Variants in ADGRL3 observed in about 807,000 individuals in gnomAD.
ADGRL3 encodes adhesion G protein-coupled receptor L3.
ADGRL3 carries 62 observed loss-of-function variants against 153.5 expected under a neutral mutation model. The observed-to-expected ratio is 0.40, with a 90% CI of 0.33 to 0.50. The LOEUF is 0.50. Ranked by LOEUF, ADGRL3 falls within the 20% of genes least tolerant of loss-of-function variation. The pLI is 0.47. For synonymous variants in ADGRL3, 710 were observed against 672.5 expected, an observed-to-expected ratio of 1.06 and a Z score of -0.86; for missense variants, 1,641 against 1,859.4, an observed-to-expected ratio of 0.88 and a Z score of 2.16.
chr4:61,205,197 G>A (rs889756389), intron 1 of ADGRL3, among the ~76,000 whole-genome samples: 2 of 152,152 alleles, frequency 1.3e-5, no homozygotes, highest in Non-Finnish European at 2.9e-5. Flanking sequence ...AAACTGAATT[G>A]TTTTTCAGAT....
At chr4:61,360,070 A>G (rs1349450849) in intron 1 of ADGRL3, among the ~76,000 whole-genome samples, 2 of 152,128 alleles carry the variant, frequency 1.3e-5, no homozygotes, top group East Asian at 1.9e-4. Context: ...CTACACTCCT[A>G]TTAGTGGAGA....
At chr4:61,630,575 T>G (rs1443460059) in intron 5 of ADGRL3, among the ~76,000 whole-genome samples, 4 of 152,204 alleles carry the variant, frequency 2.6e-5, no homozygotes, top group Non-Finnish European at 4.4e-5. Flanking sequence ...TTCACTCTTA[T>G]TTTTGTCATT....
chr4:61,568,922 A>G (rs968410632), intron 4 of ADGRL3, among the ~76,000 whole-genome samples: 4 of 152,050 alleles, frequency 2.6e-5, no homozygotes, highest in African/African-American at 7.2e-5. Context: ...TCTTCAATCT[A>G]TGGATCGTGA....
intron 9 of ADGRL3, among the ~76,000 whole-genome samples, chr4:61,820,183 T>C (rs1214758534): frequency 6.6e-6 from 1 of 152,190 alleles, no homozygotes; most frequent in African/African-American, 2.4e-5. Context: ...TACCTTTGAA[T>C]AAAATGTTGT....
At chr4:61,466,369 C>CT (rs576009150) in intron 2 of ADGRL3, among the ~76,000 whole-genome samples, 1 of 152,086 alleles carries the variant, frequency 6.6e-6, no homozygotes, top group Non-Finnish European at 1.5e-5. Context: ...GAAAAGATAG[C>CT]TTTTCAAAAG....
chr4:61,791,494 T>G (rs975794560), intron 8 of ADGRL3, among the ~76,000 whole-genome samples: 1 of 152,220 alleles, frequency 6.6e-6, no homozygotes, highest in South Asian at 2.1e-4. Flanking sequence ...GCCTCCCTCC[T>G]GGCTGCTTTC....
intron 8 of ADGRL3, among the ~76,000 whole-genome samples, chr4:61,744,589 G>C (rs2096628988): frequency 6.6e-6 from 1 of 152,162 alleles, no homozygotes; most frequent in Non-Finnish European, 1.5e-5. Flanking sequence ...ACCGCTGCTG[G>C]TACCCAGGCA....
intron 5 of ADGRL3, among the ~76,000 whole-genome samples, chr4:61,637,770 C>G (rs1018723387): frequency 6.6e-6 from 1 of 151,854 alleles, no homozygotes; most frequent in Admixed American, 6.6e-5. Flanking sequence ...CCCCACCCCC[C>G]AAAAACGTCA....
chr4:61,976,909 G>A (rs1157713419), intron 17 of ADGRL3, among the ~76,000 whole-genome samples: 1 of 152,160 alleles, frequency 6.6e-6, no homozygotes, highest in African/African-American at 2.4e-5. Context: ...TAAAATTCAA[G>A]TATTGAGTTG....
intron 9 of ADGRL3, among the ~76,000 whole-genome samples, chr4:61,886,808 AT>A (rs1272153862): frequency 3.8e-4 from 55 of 145,088 alleles, no homozygotes; most frequent in East Asian, 4.0e-4. Context: ...TGCCCGGCTA[AT>A]TTTTTTTTTT....
intron 8 of ADGRL3, among the ~76,000 whole-genome samples, chr4:61,796,232 C>A (rs1430064137): frequency 1.3e-5 from 2 of 152,138 alleles, no homozygotes; most frequent in Non-Finnish European, 2.9e-5. Context: ...CATGCTGCCA[C>A]CTCTCTGCTG....
chr4:61,954,326 C>T (rs962413862), intron 17 of ADGRL3, among the ~76,000 whole-genome samples: 1 of 151,990 alleles, frequency 6.6e-6, no homozygotes, highest in Non-Finnish European at 1.5e-5. Context: ...CTCCCTACCA[C>T]CTAGGTTTAA....
At chr4:61,352,445 G>C (rs2096069196) in intron 1 of ADGRL3, among the ~76,000 whole-genome samples, 1 of 151,404 alleles carries the variant, frequency 6.6e-6, no homozygotes. Flanking sequence ...CTGGAGTGCA[G>C]TGGTGCGATC....
chr4:61,505,033 C>G (rs1465108745), intron 3 of ADGRL3, among the ~76,000 whole-genome samples: 1 of 152,122 alleles, frequency 6.6e-6, no homozygotes, highest in African/African-American at 2.4e-5. Flanking sequence ...GACCTTCATG[C>G]TGTTCTCCAC....
chr4:61,723,314 C>G (rs773731862), intron 6 of ADGRL3, among the ~76,000 whole-genome samples: 1 of 152,030 alleles, frequency 6.6e-6, no homozygotes, highest in South Asian at 2.1e-4. Flanking sequence ...CTCCAATGAC[C>G]GGAGAAACAC....
intron 8 of ADGRL3, among the ~76,000 whole-genome samples, chr4:61,787,378 C>G (rs752110568): frequency 6.6e-6 from 1 of 151,228 alleles, no homozygotes; most frequent in Non-Finnish European, 1.5e-5. Flanking sequence ...AAAAAAAAAG[C>G]ATAGGTACAT....
intron 21 of ADGRL3, among the ~76,000 whole-genome samples, chr4:62,018,280 G>A (rs1284641553): frequency 6.6e-6 from 1 of 152,134 alleles, no homozygotes; most frequent in African/African-American, 2.4e-5. Context: ...GCTTTGTGTT[G>A]TGTTCTTACT....
chr4:62,000,445 A>C (rs963266110), intron 21 of ADGRL3, among the ~76,000 whole-genome samples: 1 of 152,002 alleles, frequency 6.6e-6, no homozygotes, highest in African/African-American at 2.4e-5. Context: ...TGTTTAGAAA[A>C]ATAATTAAAC....
intron 8 of ADGRL3, among the ~76,000 whole-genome samples, chr4:61,770,073 A>T (rs554969621): frequency 6.6e-6 from 1 of 152,210 alleles, no homozygotes; most frequent in African/African-American, 2.4e-5. Flanking sequence ...TCAAACAGAG[A>T]TCTTAGAGTT....
Sources: allele counts gnomAD v4.1 joint callset (sites outside exome capture counted in the v4.1 genomes callset), GRCh38; gene constraint gnomAD v4.1.1; transcripts MANE v1.5; gene names NCBI Gene and HGNC (gene_info 2026-07-23, HGNC 2026-07-21).